TRIP12: variants seen among roughly 807,000 people sequenced by gnomAD.
TRIP12 encodes E3 ubiquitin-protein ligase TRIP12.
Under a neutral mutation model 244.2 loss-of-function variants are expected in TRIP12, and 25 were observed. That is an observed-to-expected ratio of 0.10 (90% CI 0.07 to 0.14). The LOEUF is 0.14. Ranked by LOEUF, TRIP12 falls within the 10% of genes least tolerant of loss-of-function variation. The probability of loss-of-function intolerance (pLI) is 1.00; values close to 1 mark genes in which losing one functional copy is unlikely to be tolerated. For missense variants in TRIP12, 1,677 were observed against 2,486.4 expected, an observed-to-expected ratio of 0.67 and a Z score of 6.92; for synonymous variants, 905 against 873.1, an observed-to-expected ratio of 1.04 and a Z score of -0.64.
chr2:229,812,676 C>T (rs545299242), intron 13 of TRIP12, among the ~76,000 whole-genome samples: 2 of 152,106 alleles, frequency 1.3e-5, no homozygotes, highest in East Asian at 2.0e-4. Context: ...CGTGGTGGCA[C>T]GCAACTGTAA....
chr2:229,806,143 A>G (rs2045826529), intron 17 of TRIP12: 1 of 301,060 alleles, frequency 3.3e-6, no homozygotes. Context: ...AATCTTGATG[A>G]AAGATCCACC....
upstream of TRIP12, chr2:229,922,653 TGGCCCGGTTGG>T: frequency 6.3e-7 from 1 of 1,594,524 alleles, no homozygotes; most frequent in Non-Finnish European, 8.6e-7. Context: ...ACTCCCTACC[TGGCCCGGTTGG>T]GGCCCGGGAC....
At chr2:229,889,997 T>C (rs773220603) in intron 1 of TRIP12, among the ~76,000 whole-genome samples, 6 of 152,026 alleles carry the variant, frequency 3.9e-5, no homozygotes, top group Non-Finnish European at 8.8e-5. Flanking sequence ...AATAAGGCAA[T>C]ATTTTCAAAA....
intron 23 of TRIP12, 118 bp downstream of exon 23, chr2:229,798,757 A>G (rs781083950): frequency 6.4e-5 from 72 of 1,126,446 alleles, no homozygotes; most frequent in Non-Finnish European, 8.9e-5. Context: ...TGCTTTTAAG[A>G]ACAAATTAAA....
intron 2 of TRIP12, among the ~76,000 whole-genome samples, chr2:229,864,047 A>AGAGAGAGAGTGTGT: frequency 1.4e-3 from 112 of 79,294 alleles, no homozygotes; most frequent in Non-Finnish European, 1.9e-3. Flanking sequence ...AGAGAGAGAG[A>AGAGAGAGAGTGTGT]GTGTGTGTGT....
rs2056806343 is a variant in TRIP12, at chr2:229,842,978, G to C, written c.1028-2051C>G. ...CCCATATAACCAGCATCACCATTAAGACACAAACATTTCCATTACTCTAAA... is the reference window on the plus strand; with the variant it reads ...CCCATATAACCAGCATCACCATTAACACACAAACATTTCCATTACTCTAAA... On this transcript the variant is annotated intron_variant, in intron 4 of 41. Coordinates refer to ENST00000675903, the MANE Select transcript of TRIP12 (RefSeq NM_001348323.3). Among the ~76,000 whole-genome samples the C allele has an allele frequency of 2.0e-5, 3 of 151,916 alleles. No homozygotes were observed. The South Asian group carries it at 6.2e-4, about 32-fold the overall frequency.
chr2:229,816,038 A>T (rs1483338753), intron 9 of TRIP12, among the ~76,000 whole-genome samples: 1 of 152,146 alleles, frequency 6.6e-6, no homozygotes, highest in Admixed American at 6.6e-5. Context: ...TGAGTCACCA[A>T]AGAAATTTCC....
intron 37 of TRIP12, 63 bp from the exon 38 acceptor site, chr2:229,774,324 A>T: frequency 6.7e-7 from 1 of 1,483,568 alleles, no homozygotes; most frequent in Non-Finnish European, 9.1e-7. Flanking sequence ...TGTTTAAAAA[A>T]ATAAAAGATA....
chr2:229,832,959 A>G (rs2053840389), intron 6 of TRIP12, among the ~76,000 whole-genome samples: 1 of 152,164 alleles, frequency 6.6e-6, no homozygotes, highest in Non-Finnish European at 1.5e-5. Context: ...GGTATTTTTT[A>G]AAACACACTC....
chr2:229,880,716 G>C (rs2064670338), intron 1 of TRIP12, among the ~76,000 whole-genome samples: 1 of 152,198 alleles, frequency 6.6e-6, no homozygotes, highest in Non-Finnish European at 1.5e-5. Flanking sequence ...GGCTGAGGTG[G>C]GTGGATCATC....
In TRIP12 at chr2:229,778,003, T is replaced by C. The variant is rs1485757155; in HGVS notation, c.5364+430A>G. 1.3e-5 allele frequency among the ~76,000 whole-genome samples: 2 copies of C among 152,212 alleles called. No individual in the cohort carries two copies. The highest frequency in any genetic ancestry group is 6.5e-5 in the Admixed American group (1 of 15,268). On this transcript the variant is annotated intron_variant, in intron 36 of 41. Coordinates refer to ENST00000675903, the MANE Select transcript of TRIP12 (RefSeq NM_001348323.3). The surrounding 1 kb of genome is among the most constrained non-coding windows in gnomAD (Gnocchi z 4.1). ...ATGTCCAGAAACATTCCAACCTCTA[T>C]GAATACTGATCACTCGGGTTATTTT...
intron 1 of TRIP12, among the ~76,000 whole-genome samples, chr2:229,888,947 G>A (rs1488998043): frequency 6.6e-6 from 1 of 152,200 alleles, no homozygotes; most frequent in Non-Finnish European, 1.5e-5. Context: ...GGAGAGAAGG[G>A]AAGGCAGAGA....
rs372224415 is a variant in TRIP12 at position 229,918,669 on chromosome 2, A to G, written c.-50+3211T>C. On this transcript the variant is annotated intron_variant, in intron 1 of 41. Coordinates refer to ENST00000675903, the MANE Select transcript of TRIP12 (RefSeq NM_001348323.3). ...AAAAAGAAGGTAACTTTAAAAAGAC[A>G]AAAATGAGACCCAAATTCTACTACC... 3.3e-5 allele frequency among the ~76,000 whole-genome samples: 5 copies of G among 152,344 alleles called. No individual in the cohort carries two copies. In the East Asian group the frequency reaches 5.8e-4, roughly 18 times the overall value.
chr2:229,870,878 A>C (rs1463003440), intron 2 of TRIP12, among the ~76,000 whole-genome samples: 3 of 152,146 alleles, frequency 2.0e-5, no homozygotes, highest in African/African-American at 7.2e-5. Context: ...TTTCACTAGA[A>C]AACATCCTAA....
At chr2:229,787,364 G>C in intron 33 of TRIP12, 141 bp downstream of exon 33, 1 of 760,396 alleles carries the variant, frequency 1.3e-6, no homozygotes, top group Non-Finnish European at 2.0e-6. Flanking sequence ...CCAGTTCCAA[G>C]AGACTGAAAG....
At position 229,810,840 on chromosome 2, in the gene TRIP12, A is replaced by G. The variant is rs1314989742; in HGVS notation, c.2221+40T>C. ...GACTTTACATATTAATGAAGAACCA[A>G]CTTTTCCTGCTTAAAGTAGAACAGT... On this transcript the variant is annotated intron_variant, in intron 15 of 41. Transcript: ENST00000675903. The G allele has an allele frequency of 1.9e-6, 3 of 1,600,286 alleles. No individual in the cohort carries two copies. The African/African-American group carries it at 4.0e-5, about 22-fold the overall frequency.
chr2:229,818,292 T>C (rs2049013523), intron 9 of TRIP12, 72 bp downstream of exon 9: 6 of 1,459,430 alleles, frequency 4.1e-6, no homozygotes, highest in Non-Finnish European at 5.7e-6. Flanking sequence ...ACAATAATCA[T>C]ACATTCAGTA....
At chr2:229,845,443 A>G (rs879547885) in intron 4 of TRIP12, among the ~76,000 whole-genome samples, 2 of 152,204 alleles carry the variant, frequency 1.3e-5, no homozygotes, top group African/African-American at 2.4e-5. Flanking sequence ...GAAGAAGAAT[A>G]TGTGGCAAAG....
intron 6 of TRIP12, among the ~76,000 whole-genome samples, chr2:229,831,466 G>A (rs1289834032): frequency 6.6e-6 from 1 of 152,092 alleles, no homozygotes; most frequent in African/African-American, 2.4e-5. Flanking sequence ...TTAAGCTCAG[G>A]GGTTCAAGAC....
Sources: allele counts gnomAD v4.1 joint callset (sites outside exome capture counted in the v4.1 genomes callset), GRCh38; gene constraint gnomAD v4.1.1; non-coding constraint Gnocchi (gnomAD v3.1); transcripts MANE v1.5; gene names NCBI Gene and HGNC (gene_info 2026-07-23, HGNC 2026-07-21).